Variants in IGHMBP2 observed in about 807,000 individuals in gnomAD.
The protein encoded by IGHMBP2 is immunoglobulin mu DNA binding protein 2.
In IGHMBP2, 81 loss-of-function variants were observed where a neutral mutation model predicts 96.0. The ratio of observed to expected loss-of-function variants is 0.84; its 90% CI spans 0.71 to 1.01. The LOEUF (loss-of-function observed/expected upper bound fraction) is 1.01, where lower values mean the gene tolerates loss of function less well. Among genes scored for constraint, IGHMBP2 ranks in the 50% least tolerant of loss-of-function variants. IGHMBP2 has a pLI of 0.00. For missense variants in IGHMBP2, 1,227 were observed against 1,306.3 expected (o/e 0.94, Z 0.94); for synonymous variants, 557 against 548.9 (o/e 1.01, Z -0.21).
rs577924460 is a variant in IGHMBP2 at position 68,936,334 on chromosome 11, C to T, written c.1854C>T (p.Asn618=). ...TCATCTGTGACTCCCGTACTGTCAA[C>T]AACCATGCATTTTTGAAGACCCTGG... ...VAVICDSRTV[N]NHAFLKTLVE... Residue 618 remains asparagine (N), a synonymous_variant, in exon 13 of 15, where the codon AAC becomes AAT. Coordinates refer to ENST00000255078, the MANE Select transcript of IGHMBP2 (RefSeq NM_002180.3). The T allele has an allele frequency of 1.2e-6, 2 of 1,614,114 alleles. No homozygotes were observed. Among genetic ancestry groups the T allele is most frequent in the African/African-American group, 2.7e-5 (2 of 74,934 alleles).
In IGHMBP2 at chr11:68,936,730, C is replaced by G. The variant is rs771795171; in HGVS notation, c.2250C>G (p.Leu750=). The G allele has an allele frequency of 6.2e-7, 1 of 1,614,092 alleles. No individual in the cohort carries two copies. The highest frequency in any genetic ancestry group is 8.5e-7 in the Non-Finnish European group (1 of 1,180,040). Residue 750 remains leucine (L), a synonymous_variant, in exon 13 of 15, where the codon CTC becomes CTG. Transcript: ENST00000255078. ...KKMQLEFPPS[L]NSHDRLRVHQ... ...TGCAGTTGGAGTTTCCTCCTTCCCT[C>G]AATTCCCACGACAGGCTGCGGGTCC...
chr11:68,906,903 A>G (rs974105638), intron 2 of IGHMBP2, among the ~76,000 whole-genome samples: 1 of 152,002 alleles, frequency 6.6e-6, no homozygotes, highest in Non-Finnish European at 1.5e-5. Flanking sequence ...TGGCCTCCCA[A>G]AGTGCTGGGA....
intron 1 of IGHMBP2, 139 bp from the exon 2 acceptor site, chr11:68,905,930 C>T: frequency 1.1e-6 from 1 of 877,190 alleles, no homozygotes. Flanking sequence ...GGAGTGGAGC[C>T]AATTCGGAGT....
chr11:68,914,039 A>G (rs1372212116), intron 5 of IGHMBP2, among the ~76,000 whole-genome samples: 1 of 152,070 alleles, frequency 6.6e-6, no homozygotes, highest in Non-Finnish European at 1.5e-5. Flanking sequence ...AAATGTAGCA[A>G]TGTGTAAAAA....
chr11:68,929,182 G>T lies in IGHMBP2; in HGVS notation c.1061-1G>T. On this transcript the variant is annotated splice_acceptor_variant, in intron 7 of 14. Coordinates refer to ENST00000255078, the MANE Select transcript of IGHMBP2 (RefSeq NM_002180.3). LOFTEE classifies it high-confidence loss of function. ...GACTCCCGGCTCCCTGTTTCCACCAGGTGCGTCTGCCGATGGCCCCCTGAA... is the reference window on the plus strand; with the variant it reads ...GACTCCCGGCTCCCTGTTTCCACCATGTGCGTCTGCCGATGGCCCCCTGAA... 1 of 1,612,264 alleles carries T rather than the reference G, an allele frequency of 6.2e-7. No homozygotes were observed. The highest frequency in any genetic ancestry group is 8.5e-7 in the Non-Finnish European group (1 of 1,180,008).
At chr11:68,913,994 C>G (rs1858547860) in intron 5 of IGHMBP2, among the ~76,000 whole-genome samples, 1 of 152,106 alleles carries the variant, frequency 6.6e-6, no homozygotes, top group African/African-American at 2.4e-5. Flanking sequence ...AACCCATCTC[C>G]CTGACTAAAA....
chr11:68,918,435 A>G (rs1346598638), intron 7 of IGHMBP2, among the ~76,000 whole-genome samples: 1 of 151,928 alleles, frequency 6.6e-6, no homozygotes, highest in African/African-American at 2.4e-5. Flanking sequence ...TGAGGTCAGG[A>G]GTTTGAGACC....
At chr11:68,933,619 G>A in intron 9 of IGHMBP2, 138 bp downstream of exon 9, 1 of 1,208,180 alleles carries the variant, frequency 8.3e-7, no homozygotes, top group Non-Finnish European at 1.2e-6. Flanking sequence ...GGAAGAGAGG[G>A]TGGCCTTGCC....
At position 68,937,047 on chromosome 11, in the gene IGHMBP2, C is replaced by T; in HGVS notation, c.2567C>T (p.Ser856Leu). The T allele has an allele frequency of 1.2e-6, 2 of 1,605,778 alleles. No homozygotes were observed. Among genetic ancestry groups the T allele is most frequent in the Non-Finnish European group, 8.5e-7 (1 of 1,179,932 alleles). ...GQPASKEQQA[S>L]GQQKLPEKKK... ...CCCGCCAGCAAGGAGCAGCAGGCCTCAGGGCAGCAGAAACTTCCAGAAAAG... is the reference window on the plus strand; with the variant it reads ...CCCGCCAGCAAGGAGCAGCAGGCCTTAGGGCAGCAGAAACTTCCAGAAAAG... Residue 856 changes from serine (S) to leucine (L), a missense_variant, in exon 13 of 15, where the codon TCA (serine) becomes TTA (leucine). Around this residue, in one of 3 missense-constraint regions of IGHMBP2, gnomAD observed 703 missense variants for 770.3 expected, o/e 0.91. Transcript: ENST00000255078.
chr11:68,937,184 G>T (rs1239328521), intron 13 of IGHMBP2, 93 bp downstream of exon 13: 1 of 1,475,770 alleles, frequency 6.8e-7, no homozygotes, highest in Non-Finnish European at 9.3e-7. Context: ...AGAAGGAAGG[G>T]CTTCCTCCTG....
intron 1 of IGHMBP2, 90 bp downstream of exon 1, chr11:68,904,128 G>T: frequency 8.8e-7 from 1 of 1,142,304 alleles, no homozygotes; most frequent in Non-Finnish European, 1.3e-6. Context: ...ATAGTCTGGG[G>T]CGGGAATTTC....
At chr11:68,939,442 G>A (rs1399662152) in intron 14 of IGHMBP2, 92 bp from the exon 15 acceptor site, 6 of 1,368,748 alleles carry the variant, frequency 4.4e-6, no homozygotes, top group South Asian at 1.2e-5. Context: ...CTGTTGGGGC[G>A]CCTGTGGCCC....
intron 8 of IGHMBP2, among the ~76,000 whole-genome samples, chr11:68,931,393 C>T (rs1289730491): frequency 1.3e-5 from 2 of 152,070 alleles, no homozygotes; most frequent in African/African-American, 2.4e-5. Flanking sequence ...CTTCGTGGAG[C>T]AGGAAGCCCA....
rs765439482 is a variant in IGHMBP2 at position 68,911,522 on chromosome 11, C to G, written c.630C>G (p.Ala210=). ...TTGCGCTGTCTCAGAAAGAACTTGC[C>G]ATCATCCATGGACCTCCTGGCACTG... is the stretch of plus-strand genomic sequence containing the variant. The part of the protein sequence containing the change: ...VLFALSQKEL[A]IIHGPPGTGK... Residue 210 remains alanine, a synonymous_variant, in exon 5 of 15, where the codon GCC becomes GCG. Coordinates refer to ENST00000255078, the MANE Select transcript of IGHMBP2 (RefSeq NM_002180.3). The G allele has an allele frequency of 6.2e-7, 1 of 1,614,086 alleles. No homozygotes were observed. Among genetic ancestry groups the G allele is most frequent in the Non-Finnish European group, 8.5e-7 (1 of 1,179,932 alleles).
Position 68,908,165 on chromosome 11 carries a change from G to A in IGHMBP2, c.277G>A (p.Asp93Asn), listed in dbSNP as rs200897747. ...FTSGDIVGLY[D>N]AANEGSQLAT... Reference sequence around the variant, plus strand: ...TGCAGGTGATATCGTGGGCCTGTACGATGCTGCTAATGAGGGCAGTCAGCT... The same window carrying A: ...TGCAGGTGATATCGTGGGCCTGTACAATGCTGCTAATGAGGGCAGTCAGCT... The change falls in exon 3 of 15, where the codon GAT (aspartate) becomes AAT (asparagine). Residue 93 changes from aspartate (D) to asparagine (N), a missense_variant. Physicochemically the swap from Asp to Asn is conservative, Grantham distance 23. This residue lies in a region of IGHMBP2 where 507 missense variants were observed against 496.9 expected (regional missense o/e 1.02). Coordinates refer to ENST00000255078, the MANE Select transcript of IGHMBP2 (RefSeq NM_002180.3). The A allele has an allele frequency of 3.3e-5, 53 of 1,613,964 alleles. 1 individual carries two copies. The highest frequency in any genetic ancestry group is 1.6e-4 in the African/African-American group (12 of 74,986).
chr11:68,911,623 TC>T lies in IGHMBP2; in HGVS notation c.711+23del, dbSNP rs1566427435. The T allele has an allele frequency of 1.2e-6, 2 of 1,612,592 alleles. No homozygotes were observed. Among genetic ancestry groups the T allele is most frequent in the Non-Finnish European group, 1.7e-6 (2 of 1,178,974 alleles). ...TTAAAGGTGGGCAGTGCATGCCACT[TC>T]CCTGTCAGAGCCCGTCCGCTCCTGG... is the stretch of plus-strand genomic sequence containing the variant. On this transcript the variant is annotated intron_variant, in intron 5 of 14. Transcript: ENST00000255078.
intron 2 of IGHMBP2, among the ~76,000 whole-genome samples, chr11:68,906,574 A>T (rs2154006571): frequency 6.6e-6 from 1 of 152,200 alleles, no homozygotes; most frequent in South Asian, 2.1e-4. Context: ...ACATGTTGAA[A>T]TAATATTTTT....
intron 13 of IGHMBP2, 103 bp from the exon 14 acceptor site, chr11:68,938,079 C>T: frequency 7.7e-7 from 1 of 1,301,864 alleles, no homozygotes; most frequent in Non-Finnish European, 1.1e-6. Flanking sequence ...GCTGGGATTA[C>T]AGGTGTGAGC....
In IGHMBP2 at chr11:68,903,956, G is replaced by T. The variant is rs778232785; in HGVS notation, c.4G>T (p.Ala2Ser). 8.9e-6 allele frequency: 14 copies of T among 1,566,356 alleles called. No homozygotes were observed. In the African/African-American group the frequency reaches 1.8e-4, roughly 20 times the overall value. Residue 2 changes from alanine to serine, a missense_variant, in exon 1 of 15, where the codon GCC becomes TCC. Around this residue, in one of 3 missense-constraint regions of IGHMBP2, gnomAD observed 507 missense variants for 496.9 expected, o/e 1.02. Coordinates refer to ENST00000255078, the MANE Select transcript of IGHMBP2 (RefSeq NM_002180.3). MASAAVESFVTK... is the reference protein window; with the variant it reads MSSAAVESFVTK... The stretch of plus-strand genomic sequence containing the variant: ...GGGGCCCAGGCCGGCGGCGGCGATG[G>T]CCTCGGCAGCTGTGGAGAGCTTCGT...
Sources: allele counts gnomAD v4.1 joint callset (sites outside exome capture counted in the v4.1 genomes callset), GRCh38; gene constraint gnomAD v4.1.1; regional missense constraint gnomAD v4.1.1; transcripts MANE v1.5; gene names NCBI Gene and HGNC (gene_info 2026-07-23, HGNC 2026-07-21).